Variants in CDC42BPA observed in about 807,000 individuals in gnomAD.
CDC42BPA encodes the protein serine/threonine-protein kinase MRCK alpha.
CDC42BPA carries 80 observed loss-of-function variants against 223.5 expected under a neutral mutation model. The observed-to-expected ratio is 0.36, with a 90% CI of 0.30 to 0.43. The LOEUF is 0.43. CDC42BPA is among the 20% of genes least tolerant of loss of function. The pLI is 1.00. For synonymous variants in CDC42BPA, 694 were observed against 718.6 expected (o/e 0.97, Z 0.55); for missense variants, 1,743 against 2,099.9 (o/e 0.83, Z 3.32).
chr1:227,176,711 T>G (rs1199144004), intron 5 of CDC42BPA, among the ~76,000 whole-genome samples: 1 of 152,164 alleles, frequency 6.6e-6, no homozygotes, highest in Non-Finnish European at 1.5e-5. Context: ...CTAGAAAATG[T>G]ATACTATACT....
At position 227,317,565 on chromosome 1, in the gene CDC42BPA, TA is replaced by T. The variant is rs1409087554; in HGVS notation, c.-384del. 1.8e-5 allele frequency: 7 copies of T among 395,814 alleles called. No individual in the cohort carries two copies. Among genetic ancestry groups the T allele is most frequent in the African/African-American group, 1.0e-4 (5 of 47,936 alleles). 24.5% of individuals were successfully genotyped at this position (395,814 alleles called of 1,614,324 possible). A position where few individuals can be genotyped will look rare whatever the true frequency, so the allele number is the denominator to read the frequency against. On this transcript the variant is annotated 5_prime_UTR_variant, in exon 1 of 37. An upstream open reading frame in the 5' UTR loses its in-frame stop. Transcript: ENST00000366766. Reference sequence around the variant, plus strand: ...CATTCAAAATTCAACTCGTGCAACGTAATCCTGAAACGAATCCGGTTGCATC... The same window carrying T: ...CATTCAAAATTCAACTCGTGCAACGTATCCTGAAACGAATCCGGTTGCATC...
Position 227,317,561 on chromosome 1 carries a change from A to C in CDC42BPA, c.-379T>G, listed in dbSNP as rs1187199076. 1 of 398,482 alleles carries C rather than the reference A, an allele frequency of 2.5e-6. No individual in the cohort carries two copies. Among genetic ancestry groups the C allele is most frequent in the African/African-American group, 2.1e-5 (1 of 48,590 alleles). The allele number at this position is 398,482 out of a possible 1,614,324, so 24.7% of individuals were successfully genotyped here. On this transcript the variant is annotated 5_prime_UTR_variant, in exon 1 of 37. Transcript: ENST00000366766. ...CCTTCATTCAAAATTCAACTCGTGC[A>C]ACGTAATCCTGAAACGAATCCGGTT...
intron 1 of CDC42BPA, among the ~76,000 whole-genome samples, chr1:227,303,309 ACT>A (rs1691985077): frequency 6.6e-6 from 1 of 151,762 alleles, no homozygotes; most frequent in Non-Finnish European, 1.5e-5. Flanking sequence ...TCCAGACAAG[ACT>A]CTTCTAATCT....
chr1:227,074,231 G>A (rs1056506143), intron 18 of CDC42BPA, 28 bp downstream of exon 18: 1 of 1,496,408 alleles, frequency 6.7e-7, no homozygotes, highest in African/African-American at 1.4e-5. Context: ...AATATGATAA[G>A]CCTCCATGCA....
At chr1:227,081,613 C>T (rs1206748365) in intron 16 of CDC42BPA, among the ~76,000 whole-genome samples, 2 of 151,874 alleles carry the variant, frequency 1.3e-5, no homozygotes, top group Non-Finnish European at 2.9e-5. Flanking sequence ...CCATCACGCC[C>T]GGCTAATTTT....
chr1:227,000,941 A>G (rs993528096), intron 35 of CDC42BPA, among the ~76,000 whole-genome samples: 6 of 151,840 alleles, frequency 4.0e-5, no homozygotes, highest in Non-Finnish European at 7.4e-5. Flanking sequence ...TTAAGTGGTG[A>G]CTCTGGGGAC....
chr1:227,223,733 G>T (rs550525730), intron 2 of CDC42BPA, among the ~76,000 whole-genome samples: 1 of 152,238 alleles, frequency 6.6e-6, no homozygotes, highest in South Asian at 2.1e-4. Flanking sequence ...ACTTACAATA[G>T]TTCAACTGAT....
intron 5 of CDC42BPA, among the ~76,000 whole-genome samples, chr1:227,187,467 A>C (rs954778438): frequency 4.4e-5 from 6 of 137,832 alleles, no homozygotes; most frequent in African/African-American, 1.6e-4. Flanking sequence ...AAAATGAAAA[A>C]AGCAAAGAGA....
At position 226,994,858 on chromosome 1, in the gene CDC42BPA, C is replaced by T. The variant is rs1205737521; in HGVS notation, c.5098G>A (p.Gly1700Arg). The T allele has an allele frequency of 1.2e-6, 2 of 1,613,762 alleles. No individual in the cohort carries two copies. ...AAGTCCCTCGCTGGGGCATCACTTC[C>T]TTGGTCCATGCCTCCAGAGGACAAA... ...GSLSSGGMDQ[G>R]SDAPARDFDG... Residue 1700 changes from glycine to arginine, a missense_variant, in exon 36 of 37, where the codon GGA (glycine) becomes AGA (arginine). Coordinates refer to ENST00000366766, the MANE Select transcript of CDC42BPA (RefSeq NM_001394014.1). The surrounding 1 kb of genome is among the most constrained non-coding windows in gnomAD (Gnocchi z 4.0).
chr1:227,254,953 G>A (rs929508462), intron 1 of CDC42BPA, among the ~76,000 whole-genome samples: 1 of 152,096 alleles, frequency 6.6e-6, no homozygotes, highest in African/African-American at 2.4e-5. Context: ...AGTGAATTTG[G>A]GGTGTTAATG....
At chr1:227,146,921 C>A (rs1660807828) in intron 7 of CDC42BPA, among the ~76,000 whole-genome samples, 1 of 152,070 alleles carries the variant, frequency 6.6e-6, no homozygotes, top group African/African-American at 2.4e-5. Flanking sequence ...CATCTCACTG[C>A]ATTATTTATG....
chr1:227,066,320 G>A lies in CDC42BPA; in HGVS notation c.2904+3457C>T, dbSNP rs556662453. Among the ~76,000 whole-genome samples, 28 of 151,982 alleles carry A rather than the reference G, an allele frequency of 1.8e-4. No individual in the cohort carries two copies. In the South Asian group the frequency reaches 5.8e-3, roughly 32 times the overall value. On this transcript the variant is annotated intron_variant, in intron 21 of 36. Coordinates refer to ENST00000366766, the MANE Select transcript of CDC42BPA (RefSeq NM_001394014.1). ...CAGGAGAATCGCTTGAACCTGGGAC[G>A]CAGAGGTTGCAGTGAGCTGAGATCG...
chr1:227,305,212 T>G (rs1369748972), intron 1 of CDC42BPA, among the ~76,000 whole-genome samples: 1 of 152,214 alleles, frequency 6.6e-6, no homozygotes, highest in African/African-American at 2.4e-5. Flanking sequence ...ATACTTGCAA[T>G]GTTTCTGTAA....
intron 3 of CDC42BPA, among the ~76,000 whole-genome samples, chr1:227,205,424 A>G (rs1017361110): frequency 5.9e-5 from 9 of 151,906 alleles, no homozygotes; most frequent in African/African-American, 2.2e-4. Flanking sequence ...TGAAAAAGCA[A>G]TATGAAAAAT....
chr1:227,202,654 G>A (rs986075602), intron 3 of CDC42BPA, among the ~76,000 whole-genome samples: 7 of 151,586 alleles, frequency 4.6e-5, no homozygotes, highest in Admixed American at 3.3e-4. Flanking sequence ...AGGAGTAGTG[G>A]CTCATATCTG....
intron 14 of CDC42BPA, among the ~76,000 whole-genome samples, chr1:227,108,241 G>A (rs559835379): frequency 2.6e-5 from 4 of 152,030 alleles, no homozygotes; most frequent in Non-Finnish European, 4.4e-5. Flanking sequence ...GGCATTTATA[G>A]TTACAAATTT....
intron 1 of CDC42BPA, among the ~76,000 whole-genome samples, chr1:227,289,402 G>A (rs1375724953): frequency 2.0e-5 from 3 of 152,030 alleles, no homozygotes; most frequent in Admixed American, 2.0e-4. Flanking sequence ...CACATGGCTG[G>A]CACCTTCTCA....
intron 15 of CDC42BPA, among the ~76,000 whole-genome samples, 180 bp downstream of exon 15, chr1:227,100,812 G>A (rs1684923624): frequency 7.0e-6 from 1 of 142,866 alleles, no homozygotes. Context: ...AAGTAATTTT[G>A]TTCAGAATTA....
intron 21 of CDC42BPA, among the ~76,000 whole-genome samples, chr1:227,054,166 A>C (rs1346336290): frequency 6.6e-6 from 1 of 152,222 alleles, no homozygotes; most frequent in East Asian, 1.9e-4. Context: ...GCTTGACAGA[A>C]AGACACAAAA....
Sources: allele counts gnomAD v4.1 joint callset (sites outside exome capture counted in the v4.1 genomes callset), GRCh38; gene constraint gnomAD v4.1.1; non-coding constraint Gnocchi (gnomAD v3.1); transcripts MANE v1.5; gene names NCBI Gene and HGNC (gene_info 2026-07-23, HGNC 2026-07-21).